The following USP37 variants were observed in gnomAD, a reference collection of about 807,000 sequenced individuals.
USP37 encodes ubiquitin specific peptidase 37.
A neutral mutation model predicts 124.0 loss-of-function variants in USP37; 27 were observed. That is an observed-to-expected ratio of 0.22 (90% CI 0.16 to 0.30). The LOEUF (loss-of-function observed/expected upper bound fraction) is 0.30, where lower values mean the gene tolerates loss of function less well. USP37 is among the 10% of genes least tolerant of loss of function. USP37 has a pLI of 1.00. For missense variants in USP37, 889 were observed against 1,140.4 expected (o/e 0.78, Z 3.17); for synonymous variants, 365 against 388.0 (o/e 0.94, Z 0.70).
intron 18 of USP37, among the ~76,000 whole-genome samples, chr2:218,477,710 T>C (rs962607836): frequency 2.6e-5 from 4 of 152,248 alleles, no homozygotes; most frequent in Non-Finnish European, 4.4e-5. Context: ...AGTGCAATAA[T>C]TGATACTTAA....
intron 20 of USP37, among the ~76,000 whole-genome samples, chr2:218,469,711 C>T (rs555718843): frequency 7.6e-4 from 115 of 150,878 alleles, no homozygotes; most frequent in Non-Finnish European, 1.3e-3. Context: ...AGATACAGAA[C>T]GTATTTAAAA....
At chr2:218,561,474 A>G (rs1414731406) in intron 2 of USP37, among the ~76,000 whole-genome samples, 1 of 152,102 alleles carries the variant, frequency 6.6e-6, no homozygotes, top group Non-Finnish European at 1.5e-5. Flanking sequence ...CCTGGCCAAC[A>G]TGGTGAAACC....
intron 20 of USP37, among the ~76,000 whole-genome samples, chr2:218,474,081 C>G (rs1690838307): frequency 6.6e-6 from 1 of 152,052 alleles, no homozygotes; most frequent in Admixed American, 6.6e-5. Context: ...TTATTTATAC[C>G]CTAACACCTG....
chr2:218,549,657 G>T (rs1211474918), intron 6 of USP37, 152 bp downstream of exon 6: 7 of 517,664 alleles, frequency 1.4e-5, no homozygotes, highest in Non-Finnish European at 2.3e-5. Context: ...TAGAGATGGG[G>T]TTTCACCATG....
chr2:218,539,066 C>A (rs1320888139), intron 8 of USP37, among the ~76,000 whole-genome samples: 1 of 152,010 alleles, frequency 6.6e-6, no homozygotes, highest in Non-Finnish European at 1.5e-5. Flanking sequence ...CTCCCAGGCT[C>A]AAGCCATCCT....
intron 1 of USP37, among the ~76,000 whole-genome samples, chr2:218,565,874 C>T (rs559405909): frequency 3.7e-4 from 57 of 152,166 alleles, no homozygotes; most frequent in African/African-American, 1.4e-3. Context: ...CATGGTGAAA[C>T]CTTGTCTCCA....
rs114523486 is a variant in USP37 at position 218,549,890 on chromosome 2, C to T, written c.348G>A (p.Gly116=). Residue 116 remains glycine (G), a synonymous_variant, in exon 6 of 26, where the codon GGG becomes GGA. Transcript: ENST00000258399. The part of the protein sequence containing the change: ...RLPAAMKPSQ[G]SGSFGAILGS... ...CCAGAATGGCTCCAAAACTACCAGACCCCTGAGACGGTTTCATGGCTGGTG... is the reference window on the plus strand; with the variant it reads ...CCAGAATGGCTCCAAAACTACCAGATCCCTGAGACGGTTTCATGGCTGGTG... The T allele has an allele frequency of 6.2e-4, 1,000 of 1,608,062 alleles. 1 individual carries two copies. The African/African-American group carries it at 0.012, about 19-fold the overall frequency.
intron 9 of USP37, among the ~76,000 whole-genome samples, chr2:218,532,476 A>G (rs1272955585): frequency 6.6e-6 from 1 of 151,378 alleles, no homozygotes; most frequent in African/African-American, 2.4e-5. Flanking sequence ...CAAAAAAAAA[A>G]AAAAAAAAGA....
intron 11 of USP37, among the ~76,000 whole-genome samples, chr2:218,499,383 G>A (rs1445419959): frequency 6.6e-6 from 1 of 152,008 alleles, no homozygotes; most frequent in African/African-American, 2.4e-5. Flanking sequence ...TTATACTTCT[G>A]TAATGTGCAC....
intron 10 of USP37, among the ~76,000 whole-genome samples, chr2:218,525,375 G>C (rs931470829): frequency 3.3e-5 from 5 of 152,050 alleles, no homozygotes; most frequent in Admixed American, 2.0e-4. Flanking sequence ...CCCAGCTACT[G>C]GGGGGGTTGT....
chr2:218,539,175 T>G (rs1300886029), intron 8 of USP37, among the ~76,000 whole-genome samples: 1 of 151,806 alleles, frequency 6.6e-6, no homozygotes, highest in African/African-American at 2.4e-5. Flanking sequence ...CCCAGGCTGG[T>G]CTTGAACTCC....
intron 22 of USP37, among the ~76,000 whole-genome samples, chr2:218,461,566 T>C (rs956439942): frequency 2.6e-5 from 4 of 151,328 alleles, no homozygotes; most frequent in Non-Finnish European, 4.4e-5. Flanking sequence ...AAAGAGAATA[T>C]AGCTTCAAAA....
At chr2:218,530,438 C>A (rs548497111) in intron 9 of USP37, among the ~76,000 whole-genome samples, 1 of 152,294 alleles carries the variant, frequency 6.6e-6, no homozygotes, top group African/African-American at 2.4e-5. Flanking sequence ...TGGGGTACCA[C>A]GAACTGCACC....
intron 5 of USP37, among the ~76,000 whole-genome samples, chr2:218,552,614 G>C (rs1210485480): frequency 1.3e-5 from 2 of 148,558 alleles, no homozygotes; most frequent in African/African-American, 5.0e-5. Context: ...AAAGAGAAAA[G>C]AAAAGAAAAG....
At chr2:218,530,216 GT>G (rs999090236) in intron 9 of USP37, among the ~76,000 whole-genome samples, 176 bp from the exon 10 acceptor site, 1 of 151,914 alleles carries the variant, frequency 6.6e-6, no homozygotes, top group Non-Finnish European at 1.5e-5. Context: ...GATATTGCAG[GT>G]TTTTTTGTAT....
At chr2:218,502,300 CTA>C (rs1559190700) in intron 11 of USP37, among the ~76,000 whole-genome samples, 1 of 152,004 alleles carries the variant, frequency 6.6e-6, no homozygotes, top group Non-Finnish European at 1.5e-5. Context: ...AATTAAACTT[CTA>C]GAGATGAAAA....
rs71403040 is a variant in USP37 at position 218,454,613 on chromosome 2, CGTGT to C, written c.*313_*316del. On this transcript the variant is annotated 3_prime_UTR_variant, in exon 26 of 26. Coordinates refer to ENST00000258399, the MANE Select transcript of USP37 (RefSeq NM_020935.3). ...TAACTCTTTAAGGCTCCATTCATCC[CGTGT>C]GTGTGTGTGTGTGTCTGTGTGTGTG... The C allele has an allele frequency of 1.7e-4, 39 of 223,512 alleles. No individual in the cohort carries two copies. The highest frequency in any genetic ancestry group is 1.5e-3 in the Middle Eastern group (1 of 672). The allele number at this position is 223,512 out of a possible 1,614,324, so 13.8% of individuals were successfully genotyped here.
intron 10 of USP37, among the ~76,000 whole-genome samples, chr2:218,515,809 T>A (rs563303591): frequency 7.9e-5 from 12 of 151,824 alleles, no homozygotes; most frequent in Non-Finnish European, 1.3e-4. Context: ...CTGACAAACA[T>A]CCAGAGTCAA....
chr2:218,500,005 G>A (rs1430685384), intron 11 of USP37, among the ~76,000 whole-genome samples: 1 of 152,196 alleles, frequency 6.6e-6, no homozygotes, highest in African/African-American at 2.4e-5. Context: ...CAGGGCTCAA[G>A]CAATCCTCCT....
Sources: gnomAD v4.1 joint callset for allele counts (sites outside exome capture counted in the v4.1 genomes callset) on GRCh38, gnomAD v4.1.1 for gene constraint, MANE v1.5 for transcripts, NCBI Gene and HGNC (gene_info 2026-07-23, HGNC 2026-07-21) for gene names.